The following DCHS2 variants were observed in gnomAD, a reference collection of about 807,000 sequenced individuals.
DCHS2 encodes the protein dachsous cadherin-related 2, also known as protocadherin-23.
A neutral mutation model predicts 182.4 loss-of-function variants in DCHS2; 142 were observed. The observed-to-expected ratio is 0.78, with a 90% CI of 0.68 to 0.89. The LOEUF is 0.89. Among genes scored for constraint, DCHS2 ranks in the 40% least tolerant of loss-of-function variants. DCHS2 has a pLI of 0.00. For synonymous variants in DCHS2, 1,740 were observed against 1,663.3 expected (o/e 1.05, Z -1.12); for missense variants, 4,319 against 4,198.6 (o/e 1.03, Z -0.79).
intron 1 of DCHS2, among the ~76,000 whole-genome samples, chr4:154,378,780 T>C (rs1402876634): frequency 6.6e-6 from 1 of 152,158 alleles, no homozygotes; most frequent in Non-Finnish European, 1.5e-5. Context: ...CTAATGACCA[T>C]GATCTATGTG....
chr4:154,315,172 T>G (rs1735808582), intron 10 of DCHS2, among the ~76,000 whole-genome samples: 1 of 152,206 alleles, frequency 6.6e-6, no homozygotes, highest in Non-Finnish European at 1.5e-5. Flanking sequence ...GACACTGGTC[T>G]AAGCTCTTTA....
intron 15 of DCHS2, among the ~76,000 whole-genome samples, chr4:154,257,911 T>C (rs186928181): frequency 1.0e-3 from 157 of 152,306 alleles, no homozygotes; most frequent in Non-Finnish European, 1.6e-3. Context: ...ACCTGGGCTT[T>C]ATATGGGTCT....
At chr4:154,418,690 AT>A (rs1221100761) in intron 1 of DCHS2, among the ~76,000 whole-genome samples, 2 of 152,170 alleles carry the variant, frequency 1.3e-5, no homozygotes, top group Non-Finnish European at 1.5e-5. Context: ...TTTTTATGAC[AT>A]CGATATAATG....
chr4:154,357,397 C>T, intron 3 of DCHS2: 1 of 964,368 alleles, frequency 1.0e-6, no homozygotes. Flanking sequence ...AGCTATAAGT[C>T]TGCCTTTCTT....
In DCHS2 at chr4:154,234,346, G is replaced by A. The variant is rs1731338588; in HGVS notation, c.*190C>T. 1 of 747,242 alleles carries A rather than the reference G, an allele frequency of 1.3e-6. No individual in the cohort carries two copies. The allele number at this position is 747,242 out of a possible 1,614,324, so 46.3% of individuals were successfully genotyped here. A position where few individuals can be genotyped will look rare whatever the true frequency, so the allele number is the denominator to read the frequency against. ...TGAGAGCAACACATAAGGATTAAAA[G>A]AGGAAATAACTTTTCATTAAGGCTG... On this transcript the variant is annotated 3_prime_UTR_variant, in exon 20 of 20. Coordinates refer to ENST00000357232, the MANE Select transcript of DCHS2 (RefSeq NM_001358235.2).
rs1454417856 is a variant in DCHS2 at position 154,233,523 on chromosome 4, TTACTC to T, written c.*1008_*1012del. ...CTTCATTTAAAAATATATTGCTAAA[TTACTC>T]TATGAGATTTATCATTAGCTAATGA... On this transcript the variant is annotated 3_prime_UTR_variant, in exon 20 of 20. Transcript: ENST00000357232. The T allele has an allele frequency of 8.5e-5, 13 of 152,214 alleles. No homozygotes were observed. Among genetic ancestry groups the T allele is most frequent in the African/African-American group, 2.7e-4 (11 of 41,462 alleles). The allele number at this position is 152,214 out of a possible 1,614,324, so 9.4% of individuals were successfully genotyped here.
rs771623116 is a variant in DCHS2, at chr4:154,490,532, C to T, written c.824G>A (p.Arg275Gln). 54 of 1,536,948 alleles carry T rather than the reference C, an allele frequency of 3.5e-5. No homozygotes were observed. The highest frequency in any genetic ancestry group is 4.4e-5 in the Non-Finnish European group (50 of 1,145,212). Residue 275 changes from arginine to glutamine, a missense_variant, in exon 1 of 20, where the codon CGG becomes CAG. Transcript: ENST00000357232. Reference sequence around the variant, plus strand: ...CTCCACGCTCAGGAGGCCGGTGCGCCGGGGTCGGCCGCCGTCCCATGCCTC... The same window carrying T: ...CTCCACGCTCAGGAGGCCGGTGCGCTGGGGTCGGCCGCCGTCCCATGCCTC... Reference protein sequence around the residue: ...QIEAWDGGRPRRTGLLSVELR... With the variant: ...QIEAWDGGRPQRTGLLSVELR...
chr4:154,298,247 T>C lies in DCHS2; in HGVS notation c.6067A>G (p.Ile2023Val), dbSNP rs777238445. The C allele has an allele frequency of 1.3e-5, 21 of 1,614,048 alleles. No individual in the cohort carries two copies. The East Asian group carries it at 4.7e-4, about 36-fold the overall frequency. Reference protein sequence around the residue: ...SIQGSRSTTVIIKVYVTDVND... With the variant: ...SIQGSRSTTVVIKVYVTDVND... ...ACATCAGTGACATATACTTTTATAA[T>C]TACAGTGGTGCTTCGTGAACCCTGG... Residue 2023 changes from isoleucine (I) to valine (V), a missense_variant, in exon 13 of 20, where the codon ATT (isoleucine) becomes GTT (valine). Ile to Val is a conservative substitution (Grantham distance 29, BLOSUM62 3). Transcript: ENST00000357232.
intron 3 of DCHS2, among the ~76,000 whole-genome samples, chr4:154,338,149 A>C (rs146764408): frequency 5.9e-5 from 9 of 152,332 alleles, no homozygotes; most frequent in Non-Finnish European, 1.0e-4. Flanking sequence ...GCCTGGGTAC[A>C]TGTGCCTATT....
chr4:154,482,441 C>A (rs9284660), intron 1 of DCHS2, among the ~76,000 whole-genome samples: 37,938 of 151,886 alleles, frequency 0.25, 4,915 homozygotes, highest in Middle Eastern at 0.32. Flanking sequence ...AGATATCAGA[C>A]ATTGAAAAAG....
rs1175014610 is a variant in DCHS2 at position 154,232,946 on chromosome 4, A to G, written c.*1590T>C. 6.6e-6 allele frequency: 1 copy of G among 152,206 alleles called. No individual in the cohort carries two copies. Among genetic ancestry groups the G allele is most frequent in the Non-Finnish European group, 1.5e-5 (1 of 68,024 alleles). The allele number at this position is 152,206 out of a possible 1,614,324, so 9.4% of individuals were successfully genotyped here. The stretch of plus-strand genomic sequence containing the variant: ...ATCTCAGTCAGCATAGATAGATAAT[A>G]GAAAATATCAGCATAGGAAGCTGTA... On this transcript the variant is annotated 3_prime_UTR_variant, in exon 20 of 20. Transcript: ENST00000357232.
chr4:154,277,315 C>T (rs1346488894), intron 13 of DCHS2, among the ~76,000 whole-genome samples: 3 of 152,096 alleles, frequency 2.0e-5, no homozygotes, highest in Non-Finnish European at 4.4e-5. Flanking sequence ...GATGGGGAGC[C>T]AGCATACTTT....
intron 1 of DCHS2, among the ~76,000 whole-genome samples, chr4:154,428,975 G>GT (rs997646472): frequency 1.9e-3 from 81 of 42,016 alleles, no homozygotes; most frequent in Non-Finnish European, 7.5e-3. Flanking sequence ...GAAGGGGTAA[G>GT]TTTAAAAAAA....
At chr4:154,330,863 C>G (rs1736491349) in intron 5 of DCHS2, among the ~76,000 whole-genome samples, 1 of 152,082 alleles carries the variant, frequency 6.6e-6, no homozygotes, top group African/African-American at 2.4e-5. Context: ...AAATTCCAAA[C>G]TATAATTCTC....
intron 19 of DCHS2, among the ~76,000 whole-genome samples, chr4:154,238,186 G>A (rs1362006412): frequency 6.6e-6 from 1 of 151,876 alleles, no homozygotes; most frequent in Non-Finnish European, 1.5e-5. Context: ...GATACAGAGA[G>A]AAGAATAGAA....
Position 154,315,859 on chromosome 4 carries a change from C to T in DCHS2, c.5149G>A (p.Val1717Ile). Reference protein sequence around the residue: ...SQTLTVTVLDVNDEAPVFKQH... With the variant: ...SQTLTVTVLDINDEAPVFKQH... ...TTAAATACTGGAGCTTCATCATTTA[C>T]ATCAAGAACAGTAACTGTCAAAGTC... Residue 1717 changes from valine (V) to isoleucine (I), a missense_variant, in exon 10 of 20, where the codon GTA becomes ATA. Coordinates refer to ENST00000357232, the MANE Select transcript of DCHS2 (RefSeq NM_001358235.2). 6.2e-7 allele frequency: 1 copy of T among 1,614,018 alleles called. No individual in the cohort carries two copies. Among genetic ancestry groups the T allele is most frequent in the Non-Finnish European group, 8.5e-7 (1 of 1,179,984 alleles).
chr4:154,240,292 A>G (rs1731741043), intron 18 of DCHS2, among the ~76,000 whole-genome samples: 1 of 125,456 alleles, frequency 8.0e-6, no homozygotes. Flanking sequence ...AAACTGGACT[A>G]CAACCTCTAA....
intron 3 of DCHS2, among the ~76,000 whole-genome samples, chr4:154,362,661 A>G (rs951660385): frequency 3.9e-5 from 6 of 152,098 alleles, no homozygotes; most frequent in Admixed American, 3.3e-4. Context: ...AACAGTTACA[A>G]GTATGCCTGC....
intron 1 of DCHS2, among the ~76,000 whole-genome samples, chr4:154,394,149 T>C (rs962194815): frequency 2.0e-5 from 3 of 152,152 alleles, no homozygotes; most frequent in African/African-American, 7.2e-5. Context: ...GCTTCATAAC[T>C]GTTATCAATG....
Sources: gnomAD v4.1 joint callset for allele counts (sites outside exome capture counted in the v4.1 genomes callset) on GRCh38, gnomAD v4.1.1 for gene constraint, MANE v1.5 for transcripts, NCBI Gene and HGNC (gene_info 2026-07-23, HGNC 2026-07-21) for gene names.